Variants in ZGRF1 observed in about 807,000 individuals in gnomAD.
The protein encoded by ZGRF1 is zinc finger GRF-type containing 1.
A neutral mutation model predicts 203.5 loss-of-function variants in ZGRF1; 196 were observed. The observed-to-expected ratio is 0.96, with a 90% CI of 0.86 to 1.08. ZGRF1 has a LOEUF of 1.08. Among genes scored for constraint, ZGRF1 ranks in the 50% least tolerant of loss-of-function variants. ZGRF1 has a pLI of 0.00. For missense variants in ZGRF1, 2,326 were observed against 2,416.3 expected (o/e 0.96, Z 0.78); for synonymous variants, 809 against 841.3 (o/e 0.96, Z 0.66).
intron 19 of ZGRF1, 79 bp from the exon 20 acceptor site, chr4:112,558,388 G>C (rs1741348305): frequency 1.7e-6 from 2 of 1,204,466 alleles, no homozygotes; most frequent in Non-Finnish European, 2.2e-6. Flanking sequence ...TCTTGAGACA[G>C]AGTCTCACTC....
rs7674697 is a variant in ZGRF1, at chr4:112,553,915, G to A, written c.5266C>T (p.Leu1756=). 2,719 of 1,613,436 alleles carry A rather than the reference G, an allele frequency of 1.7e-3. 30 individuals carry two copies. In the African/African-American group the frequency reaches 0.031, roughly 18 times the overall value. The part of the protein sequence containing the change: ...KELHALMKED[L]TPTERVYVRK... The stretch of plus-strand genomic sequence containing the variant: ...ACATAGACTCTTTCCGTAGGAGTCA[G>A]GTCTTCTTTCATTAGTGCATGTAGT... Residue 1756 remains leucine (L), a synonymous_variant, in exon 22 of 28, where the codon CTG becomes TTG. Transcript: ENST00000505019.
chr4:112,554,822 A>G (rs936500975), intron 20 of ZGRF1, 40 bp from the exon 21 acceptor site: 1 of 1,092,524 alleles, frequency 9.2e-7, no homozygotes, highest in Non-Finnish European at 1.3e-6. Flanking sequence ...ATTATTTAGG[A>G]AACAGAATAT....
intron 16 of ZGRF1, chr4:112,565,048 C>CCAGCGAG: frequency 8.6e-7 from 1 of 1,156,112 alleles, no homozygotes; most frequent in Non-Finnish European, 1.3e-6. Context: ...CAGGAAGCAA[C>CCAGCGAG]TGGCTACAAA....
At chr4:112,588,034 G>GAAA in intron 11 of ZGRF1, 105 bp from the exon 12 acceptor site, 1 of 544,936 alleles carries the variant, frequency 1.8e-6, no homozygotes. Context: ...AACTTGCTCT[G>GAAA]AAAAAAAAAA....
At chr4:112,631,626 C>G (rs1041512757) in intron 3 of ZGRF1, among the ~76,000 whole-genome samples, 1 of 152,000 alleles carries the variant, frequency 6.6e-6, no homozygotes, top group African/African-American at 2.4e-5. Flanking sequence ...GAGCCGAGAT[C>G]GTGCCACTGC....
Position 112,562,401 on chromosome 4 carries a change from G to A in ZGRF1, c.4667C>T (p.Thr1556Ile), listed in dbSNP as rs1274414914. 1 of 1,608,218 alleles carries A rather than the reference G, an allele frequency of 6.2e-7. No homozygotes were observed. Among genetic ancestry groups the A allele is most frequent in the Non-Finnish European group, 8.5e-7 (1 of 1,176,486 alleles). ...KNIQDYFNPA[T>I]LPLTQYLLTT... ...TAACAGGTACTGTGTTAGAGGTAGA[G>A]TAGCTGGATTAAAGTAGTCCTGAAT... The change falls in exon 18 of 28, where the codon ACT becomes ATT. Residue 1556 changes from threonine to isoleucine, a missense_variant. By Grantham distance (89) the Thr-to-Ile change is moderately conservative. Coordinates refer to ENST00000505019, the MANE Select transcript of ZGRF1 (RefSeq NM_018392.5).
intron 16 of ZGRF1, chr4:112,564,885 C>CA (rs1389399786): frequency 1.6e-6 from 1 of 635,526 alleles, no homozygotes; most frequent in African/African-American, 1.8e-5. Flanking sequence ...ATTGTGTTCG[C>CA]AGCCGCCACC....
chr4:112,630,256 G>A (rs770907493), intron 3 of ZGRF1, among the ~76,000 whole-genome samples: 3 of 152,234 alleles, frequency 2.0e-5, no homozygotes, highest in East Asian at 3.9e-4. Flanking sequence ...AGTGGCTCAC[G>A]CCTGTAATCC....
At chr4:112,605,782 TA>T (rs1750679783) in intron 9 of ZGRF1, 1 of 486,294 alleles carries the variant, frequency 2.1e-6, no homozygotes, top group South Asian at 2.3e-5. Context: ...AAGGATAATG[TA>T]AACACTGTTA....
chr4:112,622,247 G>A (rs754695898), intron 4 of ZGRF1, among the ~76,000 whole-genome samples: 12 of 151,506 alleles, frequency 7.9e-5, no homozygotes, highest in Non-Finnish European at 1.2e-4. Flanking sequence ...GACTATGTGC[G>A]GTGGCTCATG....
At chr4:112,598,986 G>T (rs936581089) in intron 10 of ZGRF1, among the ~76,000 whole-genome samples, 2 of 152,066 alleles carry the variant, frequency 1.3e-5, no homozygotes, top group Non-Finnish European at 2.9e-5. Context: ...GGGAGACAGA[G>T]GTTGCAGTGA....
intron 10 of ZGRF1, among the ~76,000 whole-genome samples, chr4:112,597,908 G>GA (rs35330505): frequency 0.014 from 1,256 of 91,536 alleles, 28 homozygotes; most frequent in East Asian, 0.13. Context: ...CACACACACT[G>GA]AAAAAAAAAA....
rs1289045067 is a variant in ZGRF1 at position 112,618,002 on chromosome 4, A to AT, written c.2039dup (p.Asn680LysfsTer2). The AT allele has an allele frequency of 3.1e-6, 5 of 1,612,534 alleles. No homozygotes were observed. Among genetic ancestry groups the AT allele is most frequent in the African/African-American group, 1.3e-5 (1 of 74,896 alleles). On this transcript the variant is annotated frameshift_variant, in exon 6 of 28. Transcript: ENST00000505019. LOFTEE classifies it high-confidence loss of function. ...AATTCATGTTTATACCTTTAGATTT[A>AT]TTCGGGGGTAAAGCAAAATCATAGT...
At chr4:112,635,412 T>C (rs1014676443) in intron 1 of ZGRF1, among the ~76,000 whole-genome samples, 3 of 151,976 alleles carry the variant, frequency 2.0e-5, no homozygotes, top group Non-Finnish European at 4.4e-5. Context: ...TTTGTTTCTG[T>C]TGGCTTTTTA....
intron 7 of ZGRF1, among the ~76,000 whole-genome samples, chr4:112,611,554 A>C (rs936634863): frequency 2.0e-5 from 3 of 152,250 alleles, no homozygotes; most frequent in Non-Finnish European, 4.4e-5. Context: ...AGAAACACTC[A>C]TCTAGATGAT....
intron 6 of ZGRF1, among the ~76,000 whole-genome samples, chr4:112,616,942 A>T (rs2046896901): frequency 6.6e-6 from 1 of 152,078 alleles, no homozygotes; most frequent in Admixed American, 6.6e-5. Flanking sequence ...TTTTAAAAAA[A>T]TGTATTCCCT....
intron 16 of ZGRF1, among the ~76,000 whole-genome samples, chr4:112,569,805 T>C (rs1429881899): frequency 2.0e-5 from 3 of 151,988 alleles, no homozygotes; most frequent in Non-Finnish European, 1.5e-5. Flanking sequence ...ATGCTGTTTA[T>C]AAGGAACACC....
At chr4:112,617,416 C>T (rs1444875936) in intron 6 of ZGRF1, 24 bp downstream of exon 6, 5 of 1,496,160 alleles carry the variant, frequency 3.3e-6, no homozygotes, top group Non-Finnish European at 4.5e-6. Context: ...AGAAAACATT[C>T]CAAAATAGAC....
chr4:112,560,300 G>T (rs1741720879), intron 19 of ZGRF1, among the ~76,000 whole-genome samples: 1 of 152,168 alleles, frequency 6.6e-6, no homozygotes, highest in South Asian at 2.1e-4. Flanking sequence ...AGCAGTTTCT[G>T]TTATGACCTC....
Sources: gnomAD v4.1 joint callset for allele counts (sites outside exome capture counted in the v4.1 genomes callset) on GRCh38, gnomAD v4.1.1 for gene constraint, MANE v1.5 for transcripts, NCBI Gene and HGNC (gene_info 2026-07-23, HGNC 2026-07-21) for gene names.